NRXN3: variants seen among roughly 807,000 people sequenced by gnomAD.
NRXN3 encodes the protein neurexin III.
In NRXN3, 32 loss-of-function variants were observed where a neutral mutation model predicts 137.6. The ratio of observed to expected loss-of-function variants is 0.23; its 90% CI spans 0.18 to 0.31. The LOEUF (loss-of-function observed/expected upper bound fraction) is 0.31. Ranked by LOEUF, NRXN3 falls within the 10% of genes least tolerant of loss-of-function variation. The pLI is 1.00. For synonymous variants in NRXN3, 798 were observed against 784.5 expected (o/e 1.02, Z -0.29); for missense variants, 1,574 against 2,062.5 (o/e 0.76, Z 4.59).
intron 10 of NRXN3, among the ~76,000 whole-genome samples, chr14:78,913,404 T>A (rs1186394515): frequency 6.7e-6 from 1 of 149,870 alleles, no homozygotes; most frequent in Non-Finnish European, 1.5e-5. Flanking sequence ...CTCAGCCTCC[T>A]GAGTAGCTGA....
intron 15 of NRXN3, among the ~76,000 whole-genome samples, chr14:79,032,336 A>G (rs985978274): frequency 6.6e-6 from 1 of 152,126 alleles, no homozygotes; most frequent in African/African-American, 2.4e-5. Context: ...TCATTGTGCT[A>G]TGGTTGGGAA....
chr14:79,361,996 AATTATTATTATTATT>A (rs3036671), intron 15 of NRXN3, among the ~76,000 whole-genome samples: 4 of 142,120 alleles, frequency 2.8e-5, no homozygotes, highest in South Asian at 2.2e-4. Flanking sequence ...CTACTTTTAT[AATTATTATTATTATT>A]ATTATTATTA....
At chr14:78,594,641 C>T (rs759154980) in intron 4 of NRXN3, among the ~76,000 whole-genome samples, 6 of 152,224 alleles carry the variant, frequency 3.9e-5, no homozygotes. Flanking sequence ...AGTCCACACT[C>T]AATCTCCCCA....
At chr14:78,212,750 T>TA (rs1368489060) in intron 1 of NRXN3, among the ~76,000 whole-genome samples, 1 of 152,218 alleles carries the variant, frequency 6.6e-6, no homozygotes, top group East Asian at 1.9e-4. Context: ...TAGTTGTTTT[T>TA]AATGGTAATA....
chr14:78,965,443 G>A (rs2099415657), intron 11 of NRXN3, among the ~76,000 whole-genome samples: 1 of 152,160 alleles, frequency 6.6e-6, no homozygotes, highest in Non-Finnish European at 1.5e-5. Flanking sequence ...AGGCTGAGTA[G>A]CTTGATTAGG....
chr14:79,260,149 A>G (rs1333472651), intron 15 of NRXN3, among the ~76,000 whole-genome samples: 1 of 152,164 alleles, frequency 6.6e-6, no homozygotes, highest in East Asian at 1.9e-4. Context: ...TATCTACCTT[A>G]TTACTTTAGT....
chr14:79,070,096 A>C (rs576985048), intron 15 of NRXN3, among the ~76,000 whole-genome samples: 1 of 152,248 alleles, frequency 6.6e-6, no homozygotes, highest in South Asian at 2.1e-4. Flanking sequence ...CAAATTAGGA[A>C]GGATGTTATG....
At chr14:79,273,649 A>G (rs531437627) in intron 15 of NRXN3, among the ~76,000 whole-genome samples, 41 of 151,562 alleles carry the variant, frequency 2.7e-4, no homozygotes, top group African/African-American at 8.9e-4. Flanking sequence ...AAATAAATAC[A>G]TAAAATAAAA....
At chr14:78,443,826 C>T (rs2094332147) in intron 4 of NRXN3, among the ~76,000 whole-genome samples, 2 of 152,182 alleles carry the variant, frequency 1.3e-5, no homozygotes, top group African/African-American at 2.4e-5. Flanking sequence ...CTCCCTCATA[C>T]CCATACATGA....
intron 15 of NRXN3, among the ~76,000 whole-genome samples, chr14:79,404,608 C>A (rs1415622342): frequency 6.6e-6 from 1 of 152,032 alleles, no homozygotes; most frequent in Non-Finnish European, 1.5e-5. Context: ...AAACTAGGGG[C>A]ATACACTGCG....
At chr14:78,886,380 T>C (rs2152681827) in intron 10 of NRXN3, among the ~76,000 whole-genome samples, 1 of 152,248 alleles carries the variant, frequency 6.6e-6, no homozygotes, top group South Asian at 2.1e-4. Flanking sequence ...ATTCAGTATA[T>C]ATAGTACCTG....
At chr14:78,386,041 T>A (rs1164443926) in intron 4 of NRXN3, among the ~76,000 whole-genome samples, 1 of 95,968 alleles carries the variant, frequency 1.0e-5, no homozygotes, top group African/African-American at 4.0e-5. Flanking sequence ...TTTTTTTTTT[T>A]AACTGGCAAA....
At chr14:78,924,061 C>A (rs1308201023) in intron 10 of NRXN3, among the ~76,000 whole-genome samples, 2 of 152,074 alleles carry the variant, frequency 1.3e-5, no homozygotes, top group African/African-American at 4.8e-5. Flanking sequence ...ACCAGCCTGA[C>A]CAATATGGTG....
At chr14:79,547,927 A>T (rs1198591230) in intron 16 of NRXN3, among the ~76,000 whole-genome samples, 3 of 152,196 alleles carry the variant, frequency 2.0e-5, no homozygotes, top group Non-Finnish European at 4.4e-5. Context: ...GACTTAGGCA[A>T]CTTTAACAAT....
chr14:79,104,186 A>G (rs952377462), intron 15 of NRXN3, among the ~76,000 whole-genome samples: 2 of 152,150 alleles, frequency 1.3e-5, no homozygotes, highest in African/African-American at 4.8e-5. Context: ...TGTGTTGAGT[A>G]TTTAGTTTTC....
chr14:78,207,536 C>T (rs2062325761), intron 1 of NRXN3, among the ~76,000 whole-genome samples: 1 of 152,162 alleles, frequency 6.6e-6, no homozygotes, highest in Non-Finnish European at 1.5e-5. Flanking sequence ...ACAGGCAACT[C>T]CTACTTGTTC....
At chr14:78,516,134 G>A (rs753808682) in intron 4 of NRXN3, among the ~76,000 whole-genome samples, 1 of 151,918 alleles carries the variant, frequency 6.6e-6, no homozygotes, top group Non-Finnish European at 1.5e-5. Flanking sequence ...CAAAATTCAT[G>A]TCATGTTCAC....
At chr14:78,199,117 A>T (rs1595839090) in intron 1 of NRXN3, among the ~76,000 whole-genome samples, 2 of 152,222 alleles carry the variant, frequency 1.3e-5, no homozygotes, top group East Asian at 3.8e-4. Context: ...ATGAGAGGCC[A>T]AGAGTAGATA....
chr14:79,130,018 T>G (rs2057205133), intron 15 of NRXN3, among the ~76,000 whole-genome samples: 1 of 152,042 alleles, frequency 6.6e-6, no homozygotes, highest in Non-Finnish European at 1.5e-5. Context: ...TTTTTTTGTT[T>G]TCCATTTGCT....
Sources: gnomAD v4.1 joint callset for allele counts (sites outside exome capture counted in the v4.1 genomes callset) on GRCh38, gnomAD v4.1.1 for gene constraint, MANE v1.5 for transcripts, NCBI Gene and HGNC (gene_info 2026-07-23, HGNC 2026-07-21) for gene names.